GTF2H3: variants seen among roughly 807,000 people sequenced by gnomAD.
The protein encoded by GTF2H3 is general transcription factor IIH subunit 3, also known as TFIIH basal transcription factor complex p34 subunit.
A neutral mutation model predicts 51.1 loss-of-function variants in GTF2H3; 42 were observed. The observed-to-expected ratio is 0.82, with a 90% CI of 0.64 to 1.06. The LOEUF is 1.06. Ranked by LOEUF, GTF2H3 falls within the 50% of genes least tolerant of loss-of-function variation. GTF2H3 has a pLI of 0.00. For synonymous variants in GTF2H3, 123 were observed against 123.8 expected (o/e 0.99, Z 0.04); for missense variants, 326 against 366.1 (o/e 0.89, Z 0.89).
At chr12:123,635,812 G>A (rs1032746333) in intron 1 of GTF2H3, among the ~76,000 whole-genome samples, 3 of 152,166 alleles carry the variant, frequency 2.0e-5, no homozygotes, top group Non-Finnish European at 4.4e-5. Context: ...GAGATCAGAA[G>A]CACAACTAAC....
chr12:123,645,755 TAGTA>T (rs1955437555), intron 3 of GTF2H3, among the ~76,000 whole-genome samples, 194 bp downstream of exon 3: 1 of 152,200 alleles, frequency 6.6e-6, no homozygotes, highest in African/African-American at 2.4e-5. Flanking sequence ...TATTAGTAGA[TAGTA>T]GAGTTACACA....
At chr12:123,654,175 GTA>G (rs1955554485) in intron 7 of GTF2H3, among the ~76,000 whole-genome samples, 1 of 149,000 alleles carries the variant, frequency 6.7e-6, no homozygotes, top group Non-Finnish European at 1.5e-5. Flanking sequence ...TTGGGTGTGT[GTA>G]TGTATTTGGG....
rs1955669905 is a variant in GTF2H3, at chr12:123,662,517, T to A, written c.*2282T>A. Reference sequence around the variant, plus strand: ...TTTTTTATTTGAAATATCTTATATATTTGGTTAGTTCTGTTTAACTTGTTT... The same window carrying A: ...TTTTTTATTTGAAATATCTTATATAATTGGTTAGTTCTGTTTAACTTGTTT... On this transcript the variant is annotated 3_prime_UTR_variant, in exon 13 of 13. Transcript: ENST00000543341. The A allele has an allele frequency of 6.6e-6, 1 of 152,184 alleles. No homozygotes were observed. Among genetic ancestry groups the A allele is most frequent in the Admixed American group, 6.5e-5 (1 of 15,286 alleles). 9.4% of individuals were successfully genotyped at this position (152,184 alleles called of 1,614,324 possible).
chr12:123,659,349 A>G (rs1955624706), intron 9 of GTF2H3, 167 bp from the exon 10 acceptor site: 3 of 626,648 alleles, frequency 4.8e-6, no homozygotes, highest in Non-Finnish European at 8.6e-6. Flanking sequence ...CCTGGGCGAC[A>G]GAGCAAGACT....
At chr12:123,644,708 C>A (rs1057415241) in intron 2 of GTF2H3, among the ~76,000 whole-genome samples, 1 of 151,736 alleles carries the variant, frequency 6.6e-6, no homozygotes, top group African/African-American at 2.4e-5. Context: ...ACTAAGTATA[C>A]TGAGCAACAA....
In GTF2H3 at chr12:123,633,882, C is replaced by T. The variant is rs779821385; in HGVS notation, c.13+10C>T. 1.9e-6 allele frequency: 3 copies of T among 1,613,458 alleles called. No homozygotes were observed. Among genetic ancestry groups the T allele is most frequent in the South Asian group, 1.1e-5 (1 of 91,084 alleles). On this transcript the variant is annotated intron_variant, in intron 1 of 12. Coordinates refer to ENST00000543341, the MANE Select transcript of GTF2H3 (RefSeq NM_001516.5). Reference sequence around the variant, plus strand: ...GCCATGGTTTCAGACGGTGAGGACCCTGCAGGGCGGGACTTCGACTCCGGG... The same window carrying T: ...GCCATGGTTTCAGACGGTGAGGACCTTGCAGGGCGGGACTTCGACTCCGGG...
intron 1 of GTF2H3, among the ~76,000 whole-genome samples, chr12:123,638,777 C>T (rs1053442384): frequency 1.3e-5 from 2 of 151,034 alleles, no homozygotes; most frequent in African/African-American, 2.4e-5. Flanking sequence ...GCTAAGGGCC[C>T]ACTGTGCTTT....
At chr12:123,645,642 A>G (rs1161062568) in intron 3 of GTF2H3, 81 bp downstream of exon 3, 3 of 729,444 alleles carry the variant, frequency 4.1e-6, no homozygotes, top group South Asian at 1.6e-5. Flanking sequence ...TATTGTTCCT[A>G]CTCCATGTTG....
chr12:123,658,783 A>G (rs1955617616), intron 9 of GTF2H3, among the ~76,000 whole-genome samples: 5 of 152,218 alleles, frequency 3.3e-5, no homozygotes, highest in South Asian at 2.1e-4. Context: ...TAAAAAGACA[A>G]CTGGGAGAGA....
Position 123,660,055 on chromosome 12 carries a change from A to G in GTF2H3, c.830A>G (p.Asn277Ser). ...VCSVCLSIFC[N>S]FSPICTTCET... ...TTTTTTTAATTTACAGTATTCTGCA[A>G]TTTCAGCCCCATTTGTACTACGTGC... is the stretch of plus-strand genomic sequence containing the variant. Residue 277 changes from asparagine (N) to serine (S), a missense_variant, in exon 12 of 13, where the codon AAT (asparagine) becomes AGT (serine). Coordinates refer to ENST00000543341, the MANE Select transcript of GTF2H3 (RefSeq NM_001516.5). The G allele has an allele frequency of 6.2e-7, 1 of 1,602,244 alleles. No individual in the cohort carries two copies. Among genetic ancestry groups the G allele is most frequent in the South Asian group, 1.1e-5 (1 of 87,454 alleles).
rs775565025 is a variant in GTF2H3 at position 123,651,059 on chromosome 12, A to G, written c.427+3A>G. ...ATCCCTGGCCAAAGCCCTTTGCTGT[A>G]TCCTTGGTGTCTGAATCATTTAGAA... On this transcript the variant is annotated splice_donor_region_variant and intron_variant, in intron 5 of 12. Coordinates refer to ENST00000543341, the MANE Select transcript of GTF2H3 (RefSeq NM_001516.5). 6.2e-7 allele frequency: 1 copy of G among 1,606,758 alleles called. No homozygotes were observed. The highest frequency in any genetic ancestry group is 1.7e-5 in the Admixed American group (1 of 59,994).
In GTF2H3 at chr12:123,661,030, A is replaced by G. The variant is rs928897379; in HGVS notation, c.*795A>G. ...AAATCCACATTAATATTGAAACTGC[A>G]CCTGTAATCCCAGCACTTTGGGAGG... On this transcript the variant is annotated 3_prime_UTR_variant, in exon 13 of 13. Transcript: ENST00000543341. The G allele has an allele frequency of 1.5e-4, 23 of 152,102 alleles. No individual in the cohort carries two copies. Among genetic ancestry groups the G allele is most frequent in the African/African-American group, 4.6e-4 (19 of 41,410 alleles). The allele number at this position is 152,102 out of a possible 1,614,324, so 9.4% of individuals were successfully genotyped here. A position where few individuals can be genotyped will look rare whatever the true frequency, so the allele number is the denominator to read the frequency against.
At chr12:123,646,926 C>T (rs964695219) in intron 3 of GTF2H3, among the ~76,000 whole-genome samples, 3 of 148,988 alleles carry the variant, frequency 2.0e-5, no homozygotes, top group South Asian at 2.1e-4. Flanking sequence ...CCGAGGCGGG[C>T]GGATCACGAG....
chr12:123,647,479 AAAAG>A (rs1955464587), intron 3 of GTF2H3, among the ~76,000 whole-genome samples: 1 of 152,138 alleles, frequency 6.6e-6, no homozygotes, highest in Non-Finnish European at 1.5e-5. Context: ...CTCAAAAAAA[AAAAG>A]AGTCATGAAT....
intron 2 of GTF2H3, among the ~76,000 whole-genome samples, chr12:123,642,938 A>T (rs150916971): frequency 0.014 from 2,099 of 152,248 alleles, 39 homozygotes; most frequent in African/African-American, 0.047. Context: ...GCAGTGGTGC[A>T]ATCTCGGCTT....
rs11572976 is a variant in GTF2H3 at position 123,653,875 on chromosome 12, G to A, written c.487-1049G>A. On this transcript the variant is annotated intron_variant, in intron 7 of 12. Transcript: ENST00000543341. ...CTTTAGTAATCACTGCTTATTTTCC[G>A]GAGGTAATTAGAGAGCTGTGCAGAT... Among the ~76,000 whole-genome samples the A allele has an allele frequency of 2.5e-3, 382 of 152,232 alleles. 1 individual carries two copies. The highest frequency in any genetic ancestry group is 8.4e-3 in the African/African-American group (347 of 41,530).
At chr12:123,659,366 A>T in intron 9 of GTF2H3, 150 bp from the exon 10 acceptor site, 1 of 674,576 alleles carries the variant, frequency 1.5e-6, no homozygotes, top group Non-Finnish European at 2.7e-6. Flanking sequence ...GACTCTGTCA[A>T]AATATAAAAA....
intron 1 of GTF2H3, among the ~76,000 whole-genome samples, chr12:123,638,826 T>C (rs1477083545): frequency 1.3e-5 from 2 of 149,350 alleles, no homozygotes; most frequent in Non-Finnish European, 3.0e-5. Context: ...GACAGAGTCT[T>C]GTTCTGTGGC....
At chr12:123,656,435 G>T (rs1955588082) in intron 9 of GTF2H3, among the ~76,000 whole-genome samples, 1 of 152,124 alleles carries the variant, frequency 6.6e-6, no homozygotes, top group African/African-American at 2.4e-5. Context: ...TCTACACATT[G>T]TCTATTAACT....
Sources: allele counts gnomAD v4.1 joint callset (sites outside exome capture counted in the v4.1 genomes callset), GRCh38; gene constraint gnomAD v4.1.1; transcripts MANE v1.5; gene names NCBI Gene and HGNC (gene_info 2026-07-23, HGNC 2026-07-21).